Variants in GRAMD1C observed in about 807,000 individuals in gnomAD.
GRAMD1C encodes the protein GRAM domain containing 1C.
GRAMD1C carries 89 observed loss-of-function variants against 97.8 expected under a neutral mutation model. The ratio of observed to expected loss-of-function variants is 0.91; its 90% CI spans 0.77 to 1.09. The LOEUF (loss-of-function observed/expected upper bound fraction) is 1.09, where lower values mean the gene tolerates loss of function less well. Ranked by LOEUF, GRAMD1C falls within the 50% of genes least tolerant of loss-of-function variation. The pLI, the probability that GRAMD1C is intolerant of heterozygous loss-of-function variation, is 0.00. For missense variants in GRAMD1C, 740 were observed against 766.4 expected (o/e 0.97, Z 0.41); for synonymous variants, 256 against 267.0 (o/e 0.96, Z 0.40).
intron 15 of GRAMD1C, chr3:113,938,393 T>C: frequency 3.2e-6 from 1 of 309,102 alleles, no homozygotes; most frequent in South Asian, 8.7e-5. Flanking sequence ...TTAGCTAATC[T>C]GATTAATTTC....
intron 14 of GRAMD1C, among the ~76,000 whole-genome samples, chr3:113,937,562 G>A (rs1225556453): frequency 6.6e-6 from 1 of 152,178 alleles, no homozygotes; most frequent in African/African-American, 2.4e-5. Flanking sequence ...AAGGAGTGCT[G>A]AAAGTTTTCT....
chr3:113,846,460 C>T (rs1044966736), intron 2 of GRAMD1C, among the ~76,000 whole-genome samples: 1 of 152,198 alleles, frequency 6.6e-6, no homozygotes, highest in African/African-American at 2.4e-5. Flanking sequence ...CCTTCATACT[C>T]TTAGGGACTA....
At chr3:113,878,515 TCA>T (rs1240354369) in intron 5 of GRAMD1C, among the ~76,000 whole-genome samples, 1 of 152,112 alleles carries the variant, frequency 6.6e-6, no homozygotes, top group Admixed American at 6.5e-5. Flanking sequence ...ATGTATATAA[TCA>T]CACACACATA....
In GRAMD1C at chr3:113,838,859, G is replaced by C. The variant is rs568153215; in HGVS notation, c.-51G>C. 2.3e-4 allele frequency: 274 copies of C among 1,206,224 alleles called. 1 individual carries two copies. In the African/African-American group the frequency reaches 3.7e-3, roughly 16 times the overall value. The allele number at this position is 1,206,224 out of a possible 1,614,324, so 74.7% of individuals were successfully genotyped here. On this transcript the variant is annotated 5_prime_UTR_variant, in exon 1 of 18. Transcript: ENST00000358160. ...CGCGCGCTGGAGGTGGGCGCGGGGCGGTGCGGTGCGGTGCGCGCGGGGCGG... is the reference window on the plus strand; with the variant it reads ...CGCGCGCTGGAGGTGGGCGCGGGGCCGTGCGGTGCGGTGCGCGCGGGGCGG...
chr3:113,874,170 T>C (rs374209509), intron 3 of GRAMD1C, among the ~76,000 whole-genome samples: 16 of 152,352 alleles, frequency 1.1e-4, no homozygotes, highest in African/African-American at 3.8e-4. Flanking sequence ...AATTAGTTTA[T>C]AGAGTTTTAA....
rs747840333 is a variant in GRAMD1C, at chr3:113,909,078, C to A, written c.910C>A (p.Leu304Ile). 3 of 1,555,414 alleles carry A rather than the reference C, an allele frequency of 1.9e-6. No homozygotes were observed. The highest frequency in any genetic ancestry group is 2.4e-5 in the South Asian group (2 of 81,952). The change falls in exon 9 of 18, where the codon CTT (leucine) becomes ATT (isoleucine). Residue 304 changes from leucine to isoleucine, a missense_variant. By Grantham distance (5) the Leu-to-Ile change is conservative. Transcript: ENST00000358160. ...ACTGGACTTGAATAAAAATGAATAT[C>A]TTTCTCTGGACAAAAGCAGCACTTC... ...KSLDLNKNEYLSLDKSSTSDS... is the reference protein window; with the variant it reads ...KSLDLNKNEYISLDKSSTSDS...
intron 6 of GRAMD1C, among the ~76,000 whole-genome samples, chr3:113,887,580 A>C (rs1180169894): frequency 6.9e-6 from 1 of 145,212 alleles, no homozygotes; most frequent in African/African-American, 2.5e-5. Flanking sequence ...GGGCACCTGT[A>C]GTCCCAGCTA....
intron 2 of GRAMD1C, among the ~76,000 whole-genome samples, chr3:113,853,401 AAGATGAATAC>A (rs1933991353): frequency 6.6e-6 from 1 of 152,248 alleles, no homozygotes; most frequent in Non-Finnish European, 1.5e-5. Context: ...GCAGTTTCAG[AAGATGAATAC>A]AGAGAATGAG....
At chr3:113,862,110 G>A (rs2107355457) in intron 2 of GRAMD1C, among the ~76,000 whole-genome samples, 1 of 152,264 alleles carries the variant, frequency 6.6e-6, no homozygotes, top group African/African-American at 2.4e-5. Context: ...ACAGGACCAG[G>A]GCAAAATTAG....
Position 113,909,008 on chromosome 3 carries a change from CT to C in GRAMD1C, c.842del (p.Leu281TyrfsTer8). ...QNEKQTKKSL[L>X]PTLEKKLTRV... ...ATGAGAAACAGACCAAAAAGAGTCTCTTACCAACTTTGGAAAAGAAGTTAAC... is the reference window on the plus strand; with the variant it reads ...ATGAGAAACAGACCAAAAAGAGTCTCTACCAACTTTGGAAAAGAAGTTAAC... On this transcript the variant is annotated frameshift_variant, in exon 9 of 18. Coordinates refer to ENST00000358160, the MANE Select transcript of GRAMD1C (RefSeq NM_017577.5). LOFTEE classifies it high-confidence loss of function. 6.3e-7 allele frequency: 1 copy of C among 1,579,266 alleles called. No individual in the cohort carries two copies. The highest frequency in any genetic ancestry group is 8.6e-7 in the Non-Finnish European group (1 of 1,165,212).
At position 113,908,942 on chromosome 3, in the gene GRAMD1C, A is replaced by G. The variant is rs187341712; in HGVS notation, c.790-16A>G. ...AACCTGTGTTTTATTTTGAAACTGGATTGTTTACCTTTTAGGGATTAGGCA... is the reference window on the plus strand; with the variant it reads ...AACCTGTGTTTTATTTTGAAACTGGGTTGTTTACCTTTTAGGGATTAGGCA... On this transcript the variant is annotated splice_polypyrimidine_tract_variant and intron_variant, in intron 8 of 17. Transcript: ENST00000358160. 2.0e-6 allele frequency: 3 copies of G among 1,501,566 alleles called. No homozygotes were observed. Among genetic ancestry groups the G allele is most frequent in the Non-Finnish European group, 2.7e-6 (3 of 1,120,646 alleles). 93.0% of individuals were successfully genotyped at this position (1,501,566 alleles called of 1,614,324 possible). A position where few individuals can be genotyped will look rare whatever the true frequency, so the allele number is the denominator to read the frequency against.
rs141930442 is a variant in GRAMD1C, at chr3:113,902,149, A to G, written c.656+1003A>G. Among the ~76,000 whole-genome samples the G allele has an allele frequency of 4.1e-3, 626 of 152,362 alleles. 5 individuals carry two copies. Among genetic ancestry groups the G allele is most frequent in the Middle Eastern group, 0.02 (6 of 294 alleles). Reference sequence around the variant, plus strand: ...TTAAAAGCTGTTATTTAGAAATTCTATAGCAAATCTTAAAATGGAAATATT... The same window carrying G: ...TTAAAAGCTGTTATTTAGAAATTCTGTAGCAAATCTTAAAATGGAAATATT... On this transcript the variant is annotated intron_variant, in intron 7 of 17. Coordinates refer to ENST00000358160, the MANE Select transcript of GRAMD1C (RefSeq NM_017577.5).
At chr3:113,930,968 TAA>T in intron 11 of GRAMD1C, 136 bp downstream of exon 11, 1 of 569,182 alleles carries the variant, frequency 1.8e-6, no homozygotes, top group Non-Finnish European at 3.1e-6. Context: ...TGTTACAGGT[TAA>T]AAGAGACTTA....
chr3:113,869,351 T>A (rs1577143751), intron 2 of GRAMD1C, among the ~76,000 whole-genome samples, 156 bp from the exon 3 acceptor site: 1 of 152,214 alleles, frequency 6.6e-6, no homozygotes, highest in African/African-American at 2.4e-5. Context: ...CTGGAAGTCT[T>A]CTTTGCTTCT....
intron 9 of GRAMD1C, chr3:113,913,103 T>A: frequency 7.8e-7 from 1 of 1,284,702 alleles, no homozygotes; most frequent in Non-Finnish European, 1.0e-6. Flanking sequence ...AGTCATACGC[T>A]GTTTACCTGA....
intron 6 of GRAMD1C, among the ~76,000 whole-genome samples, chr3:113,886,777 G>GTTTTTTTTTTTTT (rs34683672): frequency 3.7e-5 from 3 of 80,042 alleles, no homozygotes; most frequent in African/African-American, 1.4e-4. Flanking sequence ...TTGTTTGCTT[G>GTTTTTTTTTTTTT]TTTTTTTTTT....
chr3:113,893,790 CAG>C (rs1169520931), intron 6 of GRAMD1C, among the ~76,000 whole-genome samples: 1 of 152,180 alleles, frequency 6.6e-6, no homozygotes, highest in African/African-American at 2.4e-5. Flanking sequence ...TTACGTGTAA[CAG>C]ATGATCAATA....
chr3:113,837,993 A>C (rs1262024308), upstream of GRAMD1C, among the ~76,000 whole-genome samples: 1 of 152,248 alleles, frequency 6.6e-6, no homozygotes, highest in Non-Finnish European at 1.5e-5. Flanking sequence ...AGGTTTTATC[A>C]TGCAGATGCA....
chr3:113,874,807 G>GT (rs367643396), intron 3 of GRAMD1C, among the ~76,000 whole-genome samples: 168 of 152,092 alleles, frequency 1.1e-3, no homozygotes, highest in African/African-American at 3.8e-3. Context: ...TCTTACTATG[G>GT]TCACCTTCTG....
Sources: allele counts gnomAD v4.1 joint callset (sites outside exome capture counted in the v4.1 genomes callset), GRCh38; gene constraint gnomAD v4.1.1; transcripts MANE v1.5; gene names NCBI Gene and HGNC (gene_info 2026-07-23, HGNC 2026-07-21).